CALD1: variants seen among roughly 807,000 people sequenced by gnomAD.
The protein encoded by CALD1 is caldesmon.
Under a neutral mutation model 99.9 loss-of-function variants are expected in CALD1, and 33 were observed. The observed-to-expected ratio is 0.33, with a 90% CI of 0.25 to 0.44. The LOEUF is 0.44. Ranked by LOEUF, CALD1 falls within the 20% of genes least tolerant of loss-of-function variation. CALD1 has a pLI of 1.00. For synonymous variants in CALD1, 310 were observed against 325.0 expected, an observed-to-expected ratio of 0.95 and a Z score of 0.50; for missense variants, 861 against 962.1, an observed-to-expected ratio of 0.89 and a Z score of 1.39.
intron 1 of CALD1, among the ~76,000 whole-genome samples, chr7:134,794,218 A>C (rs1797659671): frequency 6.6e-6 from 1 of 151,926 alleles, no homozygotes. Flanking sequence ...GACTAGAACA[A>C]TCCCTACACC....
intron 13 of CALD1, among the ~76,000 whole-genome samples, chr7:134,962,548 A>G (rs958864940): frequency 4.6e-5 from 7 of 152,120 alleles, no homozygotes; most frequent in African/African-American, 1.7e-4. Flanking sequence ...TTTGTAGACT[A>G]GTGTGGCTTC....
intron 6 of CALD1, among the ~76,000 whole-genome samples, chr7:134,937,563 G>A (rs1806080149): frequency 6.7e-6 from 1 of 149,664 alleles, no homozygotes; most frequent in Admixed American, 6.7e-5. Flanking sequence ...TCTTTATGTA[G>A]ACAGCTTTAA....
At chr7:134,810,641 G>A (rs2131919564) in intron 1 of CALD1, among the ~76,000 whole-genome samples, 1 of 152,196 alleles carries the variant, frequency 6.6e-6, no homozygotes, top group Admixed American at 6.5e-5. Flanking sequence ...CTCTTTCTCT[G>A]CACCCACATG....
chr7:134,822,477 A>C (rs550738637), intron 1 of CALD1, among the ~76,000 whole-genome samples: 6 of 152,210 alleles, frequency 3.9e-5, no homozygotes, highest in Admixed American at 1.3e-4. Flanking sequence ...TCTATCTACA[A>C]ATTTTATTCT....
intron 3 of CALD1, among the ~76,000 whole-genome samples, chr7:134,887,768 G>A (rs533089508): frequency 4.0e-5 from 6 of 150,394 alleles, no homozygotes; most frequent in African/African-American, 9.9e-5. Flanking sequence ...ATGTGCCTGC[G>A]TGTGTATGTG....
the CALD1 span, among the ~76,000 whole-genome samples, chr7:134,728,175 C>T: frequency 6.6e-6 from 1 of 152,162 alleles, no homozygotes; most frequent in African/African-American, 2.4e-5. Context: ...CCTATTTGGC[C>T]TGACCAACCT....
At chr7:134,762,006 A>G (rs1796782765) in intron 1 of CALD1, among the ~76,000 whole-genome samples, 1 of 152,144 alleles carries the variant, frequency 6.6e-6, no homozygotes, top group Non-Finnish European at 1.5e-5. Flanking sequence ...TTCCCAAGGG[A>G]AGAAATATGT....
At chr7:134,833,736 T>C (rs955270693) in intron 1 of CALD1, among the ~76,000 whole-genome samples, 2 of 152,214 alleles carry the variant, frequency 1.3e-5, no homozygotes, top group South Asian at 4.1e-4. Context: ...AATAATTTAA[T>C]ATTTATTTGC....
the CALD1 span, among the ~76,000 whole-genome samples, chr7:134,728,456 T>C: frequency 6.6e-6 from 1 of 152,190 alleles, no homozygotes; most frequent in African/African-American, 2.4e-5. Context: ...GTGGCTACAT[T>C]TAACTGGCCG....
chr7:134,891,126 T>G (rs992878364), intron 3 of CALD1, among the ~76,000 whole-genome samples: 3 of 152,224 alleles, frequency 2.0e-5, no homozygotes, highest in African/African-American at 7.2e-5. Context: ...ATGCATGTAA[T>G]ACCATGATCA....
intron 1 of CALD1, among the ~76,000 whole-genome samples, chr7:134,831,443 C>T (rs1468629915): frequency 1.3e-5 from 2 of 151,970 alleles, no homozygotes; most frequent in East Asian, 1.9e-4. Context: ...CTCAGCCTCC[C>T]GAGTAGCTGG....
intron 1 of CALD1, among the ~76,000 whole-genome samples, chr7:134,807,509 A>C (rs1426448144): frequency 1.3e-5 from 2 of 152,182 alleles, no homozygotes; most frequent in Non-Finnish European, 1.5e-5. Context: ...CTAGTGGCTT[A>C]GAATTGTAGG....
At chr7:134,866,559 TAAG>T (rs1168040728) in intron 2 of CALD1, among the ~76,000 whole-genome samples, 3 of 152,200 alleles carry the variant, frequency 2.0e-5, no homozygotes, top group Admixed American at 1.3e-4. Flanking sequence ...ACAATTTATT[TAAG>T]AAGGTTTCTG....
At chr7:134,914,229 A>G (rs1449106034) in intron 3 of CALD1, among the ~76,000 whole-genome samples, 1 of 152,204 alleles carries the variant, frequency 6.6e-6, no homozygotes, top group East Asian at 1.9e-4. Flanking sequence ...AGAAGGTGAC[A>G]AGAATAAAAA....
At chr7:134,731,704 T>C in the CALD1 span, among the ~76,000 whole-genome samples, 1 of 152,148 alleles carries the variant, frequency 6.6e-6, no homozygotes, top group Non-Finnish European at 1.5e-5. Flanking sequence ...GAATCTGCTA[T>C]TGACCTTTTT....
chr7:134,765,503 C>A (rs145161684), intron 1 of CALD1, among the ~76,000 whole-genome samples: 1 of 152,240 alleles, frequency 6.6e-6, no homozygotes, highest in East Asian at 1.9e-4. Context: ...GGGACACCTG[C>A]CCCACTACTG....
upstream of CALD1, among the ~76,000 whole-genome samples, chr7:134,740,807 C>T (rs1353767806): frequency 2.0e-5 from 3 of 152,216 alleles, no homozygotes; most frequent in African/African-American, 7.2e-5. Flanking sequence ...GTCTTCTCCA[C>T]TAGACTGCAA....
chr7:134,747,816 G>T (rs1269832328), intron 1 of CALD1, among the ~76,000 whole-genome samples: 2 of 152,226 alleles, frequency 1.3e-5, no homozygotes, highest in Admixed American at 1.3e-4. Context: ...CACAAAGGTG[G>T]GGCCACCATA....
Position 134,936,218 on chromosome 7 carries a change from C to A in CALD1, c.1386+453C>A, listed in dbSNP as rs181003197. Among the ~76,000 whole-genome samples, 3 of 152,312 alleles carry A rather than the reference C, an allele frequency of 2.0e-5. No homozygotes were observed. The East Asian group carries it at 5.8e-4, about 29-fold the overall frequency. ...TTTTCAAAGGAAAAACACCCACACA[C>A]ATCTCAGTAGAAAATATGGTGAACT... On this transcript the variant is annotated intron_variant, in intron 6 of 14. Coordinates refer to ENST00000361675, the MANE Select transcript of CALD1 (RefSeq NM_033138.4).
Sources: gnomAD v4.1 joint callset for allele counts (sites outside exome capture counted in the v4.1 genomes callset) on GRCh38, gnomAD v4.1.1 for gene constraint, MANE v1.5 for transcripts, NCBI Gene and HGNC (gene_info 2026-07-23, HGNC 2026-07-21) for gene names.